Variants in SERPINB12 observed in about 807,000 individuals in gnomAD.
SERPINB12 encodes the protein serpin family B member 12, also known as serpin B12.
SERPINB12 carries 57 observed loss-of-function variants against 41.1 expected under a neutral mutation model. The ratio of observed to expected loss-of-function variants is 1.39; its 90% CI spans 1.12 to 1.73. SERPINB12 has a LOEUF of 1.73. SERPINB12 is among the 40% of genes most tolerant of loss of function. SERPINB12 has a pLI of 0.00. For synonymous variants in SERPINB12, 180 were observed against 181.3 expected, an observed-to-expected ratio of 0.99 and a Z score of 0.06; for missense variants, 536 against 501.9, an observed-to-expected ratio of 1.07 and a Z score of -0.65.
At chr18:63,527,087 G>A in the SERPINB12 span, among the ~76,000 whole-genome samples, 1 of 152,186 alleles carries the variant, frequency 6.6e-6, no homozygotes, top group South Asian at 2.1e-4. Flanking sequence ...CTGAAATGTT[G>A]TTATGCGGTA....
upstream of SERPINB12, among the ~76,000 whole-genome samples, chr18:63,541,422 A>G (rs1910270713): frequency 6.6e-6 from 1 of 152,176 alleles, no homozygotes. Flanking sequence ...TCCTAAAGTT[A>G]CACTTAGAGA....
the SERPINB12 span, among the ~76,000 whole-genome samples, chr18:63,527,914 G>A: frequency 6.6e-6 from 1 of 152,020 alleles, no homozygotes; most frequent in Non-Finnish European, 1.5e-5. Flanking sequence ...CATGGGGGAA[G>A]GTCTTTCCCG....
At chr18:63,520,336 A>G in the SERPINB12 span, among the ~76,000 whole-genome samples, 22 of 152,150 alleles carry the variant, frequency 1.4e-4, no homozygotes, top group Admixed American at 5.2e-4. Flanking sequence ...CAGGCAGGTT[A>G]AGGGTGGGGT....
At chr18:63,538,550 C>T (rs1045229029), upstream of SERPINB12, among the ~76,000 whole-genome samples, 2 of 152,078 alleles carry the variant, frequency 1.3e-5, no homozygotes, top group Admixed American at 6.6e-5. Context: ...AAATAATATT[C>T]CATTGTGTGA....
At chr18:63,521,380 G>A in the SERPINB12 span, among the ~76,000 whole-genome samples, 1 of 152,174 alleles carries the variant, frequency 6.6e-6, no homozygotes, top group South Asian at 2.1e-4. Context: ...CCTGTCCCAG[G>A]TTGCTGATCT....
At chr18:63,548,936 TGAAG>T (rs1308341094) in intron 1 of SERPINB12, among the ~76,000 whole-genome samples, 2 of 151,968 alleles carry the variant, frequency 1.3e-5, no homozygotes, top group Non-Finnish European at 2.9e-5. Flanking sequence ...AGAAATAATA[TGAAG>T]GGAGATAAAA....
chr18:63,537,558 CGAGTGTGGATAAATTATAT>C (rs1250260764), upstream of SERPINB12, among the ~76,000 whole-genome samples: 1 of 152,004 alleles, frequency 6.6e-6, no homozygotes, highest in Non-Finnish European at 1.5e-5. Flanking sequence ...ACATTTGTTA[CGAGTGTGGATAAATTATAT>C]GAATATTCTT....
At chr18:63,544,646 A>G (rs756235092) in intron 1 of SERPINB12, among the ~76,000 whole-genome samples, 3 of 152,066 alleles carry the variant, frequency 2.0e-5, no homozygotes, top group Non-Finnish European at 2.9e-5. Flanking sequence ...CATTTTTTCA[A>G]TCCTGGAGAT....
upstream of SERPINB12, among the ~76,000 whole-genome samples, chr18:63,540,261 G>A (rs1288121311): frequency 6.6e-6 from 1 of 152,158 alleles, no homozygotes; most frequent in African/African-American, 2.4e-5. Flanking sequence ...AGAGGAAAAT[G>A]GGATGAAAAA....
chr18:63,561,316 A>G (rs1201448924), intron 5 of SERPINB12, 114 bp downstream of exon 5: 1 of 659,730 alleles, frequency 1.5e-6, no homozygotes. Context: ...ACATATGTGG[A>G]CTGTGTTCAA....
Position 63,553,110 on chromosome 18 carries a change from G to A in SERPINB12, c.-18-3032G>A, listed in dbSNP as rs1463376821. Among the ~76,000 whole-genome samples the A allele has an allele frequency of 2.0e-5, 3 of 152,264 alleles. No individual in the cohort carries two copies. In the East Asian group the frequency reaches 5.8e-4, roughly 29 times the overall value. ...ACTCAGAAAAGGGAATTGTTACTGGGGTGAGAGCATCACAGTACTCCTGGA... is the reference window on the plus strand; with the variant it reads ...ACTCAGAAAAGGGAATTGTTACTGGAGTGAGAGCATCACAGTACTCCTGGA... On this transcript the variant is annotated intron_variant, in intron 1 of 7. Coordinates refer to ENST00000382768, the MANE Select transcript of SERPINB12 (RefSeq NM_001307928.2).
At chr18:63,539,849 A>G (rs1213113766), upstream of SERPINB12, among the ~76,000 whole-genome samples, 2 of 152,162 alleles carry the variant, frequency 1.3e-5, no homozygotes, top group Non-Finnish European at 2.9e-5. Flanking sequence ...TACAAAATAA[A>G]TTAAGTTTTT....
the SERPINB12 span, among the ~76,000 whole-genome samples, chr18:63,532,019 G>C: frequency 3.5e-3 from 537 of 152,202 alleles, 2 homozygotes; most frequent in African/African-American, 0.012. Flanking sequence ...TAGGATCATT[G>C]GGCATTTCCA....
At chr18:63,558,615 C>CA in intron 3 of SERPINB12, 129 bp downstream of exon 3, 1 of 1,022,998 alleles carries the variant, frequency 9.8e-7, no homozygotes, top group Non-Finnish European at 1.4e-6. Flanking sequence ...GCAATAACCT[C>CA]ATGTGATCTG....
chr18:63,542,364 T>G (rs187213821), upstream of SERPINB12, among the ~76,000 whole-genome samples: 71 of 152,350 alleles, frequency 4.7e-4, no homozygotes, highest in African/African-American at 1.7e-3. Context: ...AATAGCTTGC[T>G]CAATGCCTCT....
chr18:63,527,663 G>A, the SERPINB12 span, among the ~76,000 whole-genome samples: 1 of 152,092 alleles, frequency 6.6e-6, no homozygotes. Context: ...CCTCAAGAGT[G>A]TAGGCAAGTT....
rs369475436 is a variant in SERPINB12 at position 63,565,758 on chromosome 18, G to A, written c.873+146G>A. ...ATGTGTAAGAATCTGAATTAGATTA[G>A]ATATTTATTCCTCATTTGTTTAGAA... On this transcript the variant is annotated intron_variant, in intron 7 of 7. Transcript: ENST00000382768. The A allele has an allele frequency of 6.5e-6, 4 of 617,582 alleles. No homozygotes were observed. The South Asian group carries it at 1.6e-4, about 24-fold the overall frequency. 38.3% of individuals were successfully genotyped at this position (617,582 alleles called of 1,614,324 possible).
the SERPINB12 span, among the ~76,000 whole-genome samples, chr18:63,529,386 T>C: frequency 6.6e-6 from 1 of 152,216 alleles, no homozygotes; most frequent in South Asian, 2.1e-4. Flanking sequence ...TGCACAGCTG[T>C]GGTTTTGGAG....
intron 1 of SERPINB12, among the ~76,000 whole-genome samples, chr18:63,547,288 A>G (rs968298285): frequency 6.6e-6 from 1 of 152,158 alleles, no homozygotes; most frequent in Admixed American, 6.5e-5. Context: ...TTTATCTTTT[A>G]ATGAATTATT....
Sources: allele counts gnomAD v4.1 joint callset (sites outside exome capture counted in the v4.1 genomes callset), GRCh38; gene constraint gnomAD v4.1.1; transcripts MANE v1.5; gene names NCBI Gene and HGNC (gene_info 2026-07-23, HGNC 2026-07-21).